Variants in LDLRAD4 observed in about 807,000 individuals in gnomAD.
LDLRAD4 encodes the protein low density lipoprotein receptor class A domain containing 4.
Under a neutral mutation model 17.0 loss-of-function variants are expected in LDLRAD4, and 5 were observed. The observed-to-expected ratio is 0.29, with a 90% CI of 0.15 to 0.62. The LOEUF is 0.62. LDLRAD4 is among the 20% of genes least tolerant of loss of function. LDLRAD4 has a pLI of 0.84. For synonymous variants in LDLRAD4, 168 were observed against 171.8 expected, an observed-to-expected ratio of 0.98 and a Z score of 0.17; for missense variants, 340 against 424.7, an observed-to-expected ratio of 0.80 and a Z score of 1.75.
chr18:13,337,026 C>G (rs1388155780), intron 1 of LDLRAD4, among the ~76,000 whole-genome samples: 1 of 152,046 alleles, frequency 6.6e-6, no homozygotes, highest in East Asian at 1.9e-4. Flanking sequence ...CAGCTTTATT[C>G]AAGAGATACT....
intron 2 of LDLRAD4, among the ~76,000 whole-genome samples, chr18:13,392,542 T>A (rs1002773133): frequency 6.6e-6 from 1 of 152,166 alleles, no homozygotes; most frequent in African/African-American, 2.4e-5. Context: ...CCGGCCTCTG[T>A]CCCAGGTGCC....
At chr18:13,237,086 T>C (rs1158054898) in intron 1 of LDLRAD4, among the ~76,000 whole-genome samples, 1 of 152,254 alleles carries the variant, frequency 6.6e-6, no homozygotes, top group Admixed American at 6.5e-5. Context: ...GCTCCACTCA[T>C]AGAACGCTTG....
chr18:13,465,208 T>G (rs769869078), intron 3 of LDLRAD4: 1 of 152,244 alleles, frequency 6.6e-6, no homozygotes, highest in African/African-American at 2.4e-5. Context: ...TTTATTTCTG[T>G]GCATCGGCTC....
At chr18:13,637,360 A>G (rs1412256935) in intron 4 of LDLRAD4, among the ~76,000 whole-genome samples, 3 of 152,144 alleles carry the variant, frequency 2.0e-5, no homozygotes, top group Non-Finnish European at 2.9e-5. Context: ...AGCCAGAGCC[A>G]GAGAAGAACT....
rs1005361839 is a variant in LDLRAD4, at chr18:13,334,085, G to A, written c.-382-53256G>A. On this transcript the variant is annotated intron_variant, in intron 1 of 5. Transcript: ENST00000359446. Reference sequence around the variant, plus strand: ...TTCCTCTTTTATTTCTTTCATCAGAGTTTTATAGTTTTCTCCATATAGATG... The same window carrying A: ...TTCCTCTTTTATTTCTTTCATCAGAATTTTATAGTTTTCTCCATATAGATG... 5.9e-5 allele frequency among the ~76,000 whole-genome samples: 9 copies of A among 152,168 alleles called. 1 individual carries two copies. The East Asian group carries it at 1.7e-3, about 29-fold the overall frequency.
chr18:13,425,111 T>C (rs1159423214), intron 2 of LDLRAD4, among the ~76,000 whole-genome samples: 1 of 152,206 alleles, frequency 6.6e-6, no homozygotes, highest in Non-Finnish European at 1.5e-5. Flanking sequence ...GAACATTCCT[T>C]GTATTCAGGA....
chr18:13,413,415 C>A (rs990482986), intron 2 of LDLRAD4, among the ~76,000 whole-genome samples: 8 of 152,202 alleles, frequency 5.3e-5, no homozygotes, highest in Non-Finnish European at 1.2e-4. Context: ...AAGTTTCTAT[C>A]ACAGTATTTT....
intron 1 of LDLRAD4, among the ~76,000 whole-genome samples, chr18:13,289,547 T>C (rs972917024): frequency 1.3e-5 from 2 of 152,202 alleles, no homozygotes; most frequent in Non-Finnish European, 2.9e-5. Context: ...ACCGACTCCA[T>C]CTTTTGGGAG....
exon 6 of LDLRAD4, chr18:13,650,110 A>C: frequency 2.5e-6 from 1 of 398,754 alleles, no homozygotes; most frequent in Non-Finnish European, 4.4e-6. Context: ...AGATGTGAAC[A>C]GACAATGGAA....
chr18:13,640,127 G>C (rs1218012679), intron 4 of LDLRAD4, among the ~76,000 whole-genome samples: 1 of 151,742 alleles, frequency 6.6e-6, no homozygotes, highest in Non-Finnish European at 1.5e-5. Flanking sequence ...TCTACTAACA[G>C]TACAAAAAAA....
chr18:13,418,510 C>T (rs1449225277), intron 2 of LDLRAD4, among the ~76,000 whole-genome samples: 1 of 152,210 alleles, frequency 6.6e-6, no homozygotes, highest in African/African-American at 2.4e-5. Context: ...TCTCCGGCCT[C>T]GCTGCTGTTG....
At chr18:13,439,447 A>G (rs1367288803) in intron 3 of LDLRAD4, among the ~76,000 whole-genome samples, 1 of 152,126 alleles carries the variant, frequency 6.6e-6, no homozygotes, top group Non-Finnish European at 1.5e-5. Context: ...GTTTTTCTCA[A>G]GTTTTTCTAT....
chr18:13,628,127 G>A (rs756452860), intron 4 of LDLRAD4, among the ~76,000 whole-genome samples: 21 of 152,186 alleles, frequency 1.4e-4, no homozygotes, highest in Non-Finnish European at 2.8e-4. Context: ...CGGCTGGAGC[G>A]CTGGCTCGCT....
At chr18:13,540,051 C>T (rs1316573283) in intron 3 of LDLRAD4, among the ~76,000 whole-genome samples, 1 of 152,208 alleles carries the variant, frequency 6.6e-6, no homozygotes, top group East Asian at 1.9e-4. Flanking sequence ...GCCAAAGCTC[C>T]TTCTGGCCCA....
intron 3 of LDLRAD4, among the ~76,000 whole-genome samples, chr18:13,598,491 C>G (rs773601902): frequency 6.6e-6 from 1 of 152,196 alleles, no homozygotes; most frequent in Non-Finnish European, 1.5e-5. Flanking sequence ...AATTCAGGCC[C>G]CTTTGCAGGG....
intron 4 of LDLRAD4, among the ~76,000 whole-genome samples, chr18:13,631,502 G>T (rs2041660994): frequency 6.6e-6 from 1 of 152,034 alleles, no homozygotes; most frequent in Non-Finnish European, 1.5e-5. Context: ...ATGAGATGAG[G>T]CCAGCATTCC....
At chr18:13,287,574 A>G (rs1468587328) in intron 1 of LDLRAD4, among the ~76,000 whole-genome samples, 1 of 152,142 alleles carries the variant, frequency 6.6e-6, no homozygotes. Context: ...CGACGGCGCC[A>G]CCCTATGGTG....
intron 1 of LDLRAD4, among the ~76,000 whole-genome samples, chr18:13,297,982 T>C (rs768052815): frequency 2.6e-5 from 4 of 152,212 alleles, no homozygotes; most frequent in Non-Finnish European, 5.9e-5. Context: ...ACCAGGAAGA[T>C]GCATGGGGCA....
At chr18:13,328,993 C>T (rs1242585463) in intron 1 of LDLRAD4, among the ~76,000 whole-genome samples, 1 of 152,200 alleles carries the variant, frequency 6.6e-6, no homozygotes, top group East Asian at 1.9e-4. Context: ...CCTCACATAT[C>T]AGTTCACAGA....
Sources: gnomAD v4.1 joint callset for allele counts (sites outside exome capture counted in the v4.1 genomes callset) on GRCh38, gnomAD v4.1.1 for gene constraint, MANE v1.5 for transcripts, NCBI Gene and HGNC (gene_info 2026-07-23, HGNC 2026-07-21) for gene names.